The following DSG2 variants were observed in gnomAD, a reference collection of about 807,000 sequenced individuals.
DSG2 encodes desmoglein 2.
A neutral mutation model predicts 75.6 loss-of-function variants in DSG2; 45 were observed. The ratio of observed to expected loss-of-function variants is 0.60; its 90% CI spans 0.47 to 0.76. The LOEUF is 0.76. Among genes scored for constraint, DSG2 ranks in the 30% least tolerant of loss-of-function variants. The probability of loss-of-function intolerance (pLI) is 0.00; values close to 1 mark genes in which losing one functional copy is unlikely to be tolerated. For synonymous variants in DSG2, 429 were observed against 483.9 expected, an observed-to-expected ratio of 0.89 and a Z score of 1.49; for missense variants, 1,267 against 1,357.4, an observed-to-expected ratio of 0.93 and a Z score of 1.05.
In DSG2 at chr18:31,536,340, A is replaced by G. The variant is rs730880077; in HGVS notation, c.1562A>G (p.Asp521Gly). ...EYVNVTAEDL[D>G]GHPNSGPFSF... ...GTGAATGTTACTGCAGAGGACCTGG[A>G]TGGACACCCAAACAGTGGCCCTTTC... The change falls in exon 11 of 15, where the codon GAT becomes GGT. Residue 521 changes from aspartate (D) to glycine (G), a missense_variant. Transcript: ENST00000261590. The G allele has an allele frequency of 2.4e-5, 39 of 1,614,112 alleles. No homozygotes were observed. The East Asian group carries it at 8.2e-4, about 34-fold the overall frequency.
chr18:31,541,364 G>T, intron 13 of DSG2, 50 bp downstream of exon 13: 1 of 1,606,838 alleles, frequency 6.2e-7, no homozygotes, highest in Non-Finnish European at 8.5e-7. Context: ...GGGTTTTAAA[G>T]GGGCCTAGGG....
In DSG2 at chr18:31,546,985, G is replaced by A. The variant is rs2073317388; in HGVS notation, c.*242G>A. 5.3e-6 allele frequency: 3 copies of A among 569,406 alleles called. No individual in the cohort carries two copies. The highest frequency in any genetic ancestry group is 3.2e-5 in the East Asian group (1 of 31,168). The allele number at this position is 569,406 out of a possible 1,614,324, so 35.3% of individuals were successfully genotyped here. A position where few individuals can be genotyped will look rare whatever the true frequency, so the allele number is the denominator to read the frequency against. On this transcript the variant is annotated 3_prime_UTR_variant, in exon 15 of 15. Coordinates refer to ENST00000261590, the MANE Select transcript of DSG2 (RefSeq NM_001943.5). Reference sequence around the variant, plus strand: ...GATGCTGCTGCTTAGGTGCCTTTTAGCAAGCTATGCAAACAATCCTGATAA... The same window carrying A: ...GATGCTGCTGCTTAGGTGCCTTTTAACAAGCTATGCAAACAATCCTGATAA...
In DSG2 at chr18:31,546,345, G is replaced by T. The variant is rs141405267; in HGVS notation, c.2959G>T (p.Val987Phe). ...QPYANEGTVV[V>F]TERVIQPHGG... Reference sequence around the variant, plus strand: ...TTATGCTAATGAAGGTACAGTTGTGGTCACTGAAAGAGTAATACAGCCTCA... The same window carrying T: ...TTATGCTAATGAAGGTACAGTTGTGTTCACTGAAAGAGTAATACAGCCTCA... Residue 987 changes from valine (V) to phenylalanine (F), a missense_variant, in exon 15 of 15, where the codon GTC becomes TTC. Coordinates refer to ENST00000261590, the MANE Select transcript of DSG2 (RefSeq NM_001943.5). 2.8e-5 allele frequency: 45 copies of T among 1,612,854 alleles called. No homozygotes were observed. The East Asian group carries it at 9.1e-4, about 33-fold the overall frequency.
At chr18:31,532,965 G>C (rs2073207378) in intron 9 of DSG2, among the ~76,000 whole-genome samples, 1 of 152,202 alleles carries the variant, frequency 6.6e-6, no homozygotes, top group East Asian at 1.9e-4. Flanking sequence ...TCAAAAGATT[G>C]TGTGTTCTGC....
intron 1 of DSG2, among the ~76,000 whole-genome samples, chr18:31,507,941 T>G (rs577661462): frequency 1.1e-4 from 16 of 152,230 alleles, no homozygotes; most frequent in Middle Eastern, 3.2e-3. Flanking sequence ...TTAGATCCCA[T>G]TTGTCAATTT....
chr18:31,542,924 G>T, intron 14 of DSG2, 72 bp downstream of exon 14: 1 of 1,091,742 alleles, frequency 9.2e-7, no homozygotes, highest in Non-Finnish European at 1.2e-6. Context: ...ATATTATTAG[G>T]GTAATCATTG....
At chr18:31,498,859 C>T (rs73956132) in intron 1 of DSG2, among the ~76,000 whole-genome samples, 2,332 of 152,224 alleles carry the variant, frequency 0.015, 59 homozygotes, top group African/African-American at 0.053. Flanking sequence ...GTGGATCACC[C>T]ACATATAGTT....
At chr18:31,543,188 G>A (rs1237126361) in intron 14 of DSG2, 4 of 201,650 alleles carry the variant, frequency 2.0e-5, no homozygotes, top group South Asian at 1.4e-4. Context: ...GATTGTACCT[G>A]GGAAGCTGCC....
intron 6 of DSG2, 35 bp from the exon 7 acceptor site, chr18:31,524,411 CTT>C (rs751555811): frequency 6.2e-7 from 1 of 1,613,948 alleles, no homozygotes; most frequent in Admixed American, 1.7e-5. Flanking sequence ...AAGAGTGACT[CTT>C]TTCACCCAGC....
chr18:31,548,080 T>C lies in DSG2; in HGVS notation c.*1337T>C, dbSNP rs1387218511. 1.3e-5 allele frequency: 2 copies of C among 152,218 alleles called. No individual in the cohort carries two copies. The highest frequency in any genetic ancestry group is 6.5e-5 in the Admixed American group (1 of 15,272). The allele number at this position is 152,218 out of a possible 1,614,324, so 9.4% of individuals were successfully genotyped here. A position where few individuals can be genotyped will look rare whatever the true frequency, so the allele number is the denominator to read the frequency against. On this transcript the variant is annotated 3_prime_UTR_variant, in exon 15 of 15. Transcript: ENST00000261590. ...AATTCTTTGAAATTATTATTTTATT[T>C]TGATTTCTCAGTTATTGACTGGCTG... is the stretch of plus-strand genomic sequence containing the variant.
Position 31,498,184 on chromosome 18 carries a change from C to T in DSG2, c.-68C>T. ...GGGGAGGCCGGGGCCAGGGAGGAGC[C>T]GAGTGCGCGCTCGGGGCAGGCGGCG... On this transcript the variant is annotated 5_prime_UTR_variant, in exon 1 of 15. Coordinates refer to ENST00000261590, the MANE Select transcript of DSG2 (RefSeq NM_001943.5). 2 of 1,212,634 alleles carry T rather than the reference C, an allele frequency of 1.6e-6. No homozygotes were observed. The highest frequency in any genetic ancestry group is 2.1e-6 in the Non-Finnish European group (2 of 971,966). The allele number at this position is 1,212,634 out of a possible 1,614,324, so 75.1% of individuals were successfully genotyped here.
chr18:31,536,497 T>C (rs2073231878), intron 11 of DSG2, 68 bp downstream of exon 11: 3 of 1,447,046 alleles, frequency 2.1e-6, no homozygotes, highest in Non-Finnish European at 2.8e-6. Context: ...ATTTGTAAGT[T>C]GTATTTCTTC....
In DSG2 at chr18:31,531,245, C is replaced by T. The variant is rs2073197046; in HGVS notation, c.1273C>T (p.His425Tyr). 6.2e-7 allele frequency: 1 copy of T among 1,614,014 alleles called. No individual in the cohort carries two copies. Among genetic ancestry groups the T allele is most frequent in the Admixed American group, 1.7e-5 (1 of 60,002 alleles). Residue 425 changes from histidine to tyrosine, a missense_variant, in exon 9 of 15, where the codon CAT (histidine) becomes TAT (tyrosine). Transcript: ENST00000261590. ...TGATGAGGACACTGGACTACCAGCC[C>T]ATGCAAGGTAAGAGAGAGTGACACG... ...AFDEDTGLPAHARYVKLEDRD... is the reference protein window; with the variant it reads ...AFDEDTGLPAYARYVKLEDRD...
Position 31,522,116 on chromosome 18 carries a change from C to T in DSG2, c.557C>T (p.Ala186Val). Residue 186 changes from alanine to valine, a missense_variant, in exon 6 of 15, where the codon GCA becomes GTA. By Grantham distance (64) the Ala-to-Val change is moderately conservative. Coordinates refer to ENST00000261590, the MANE Select transcript of DSG2 (RefSeq NM_001943.5). ...TLVMKINATD[A>V]DEPNTLNSKI... ...GTGATGAAAATCAATGCAACAGATGCAGATGAGCCCAATACCCTGAATTCG... is the reference window on the plus strand; with the variant it reads ...GTGATGAAAATCAATGCAACAGATGTAGATGAGCCCAATACCCTGAATTCG... The T allele has an allele frequency of 1.2e-6, 2 of 1,613,782 alleles. No individual in the cohort carries two copies. The highest frequency in any genetic ancestry group is 1.7e-6 in the Non-Finnish European group (2 of 1,179,770).
intron 8 of DSG2, 138 bp downstream of exon 8, chr18:31,525,026 T>A: frequency 1.2e-6 from 1 of 859,666 alleles, no homozygotes; most frequent in Non-Finnish European, 1.9e-6. Flanking sequence ...AAAGGAGCCA[T>A]CCCTATTTGC....
rs369904972 is a variant in DSG2 at position 31,538,714 on chromosome 18, G to A, written c.1652-37G>A. The A allele has an allele frequency of 1.9e-4, 289 of 1,543,880 alleles. 1 individual carries two copies. The African/African-American group carries it at 2.8e-3, about 15-fold the overall frequency. ...TAATGTTGCCTCATCCTTGGTAATC[G>A]TTCGTTTTTATTTCCTTCTGCCTCC... On this transcript the variant is annotated intron_variant, in intron 11 of 14. Coordinates refer to ENST00000261590, the MANE Select transcript of DSG2 (RefSeq NM_001943.5).
chr18:31,499,366 G>GC (rs72318859), intron 1 of DSG2, among the ~76,000 whole-genome samples: 1 of 151,600 alleles, frequency 6.6e-6, no homozygotes, highest in Non-Finnish European at 1.5e-5. Context: ...TCGTGTGTGT[G>GC]TGTGTGTGTG....
rs573941370 is a variant in DSG2, at chr18:31,519,658, C to A, written c.82-145C>A. 5.0e-6 allele frequency: 4 copies of A among 807,830 alleles called. No homozygotes were observed. In the South Asian group the frequency reaches 6.6e-5, roughly 13 times the overall value. The allele number at this position is 807,830 out of a possible 1,614,324, so 50.0% of individuals were successfully genotyped here. A position where few individuals can be genotyped will look rare whatever the true frequency, so the allele number is the denominator to read the frequency against. On this transcript the variant is annotated intron_variant, in intron 2 of 14. Coordinates refer to ENST00000261590, the MANE Select transcript of DSG2 (RefSeq NM_001943.5). ...GCAGTTTGCTAGAATATATATATTCCCTTTTAGACAATGAAGCCTCATAGG... is the reference window on the plus strand; with the variant it reads ...GCAGTTTGCTAGAATATATATATTCACTTTTAGACAATGAAGCCTCATAGG...
intron 1 of DSG2, among the ~76,000 whole-genome samples, chr18:31,499,898 A>C (rs1008652857): frequency 2.0e-5 from 3 of 152,138 alleles, no homozygotes; most frequent in African/African-American, 7.2e-5. Context: ...ATGGAACAGG[A>C]GCAAAATTCT....
Sources: allele counts gnomAD v4.1 joint callset (sites outside exome capture counted in the v4.1 genomes callset), GRCh38; gene constraint gnomAD v4.1.1; transcripts MANE v1.5; gene names NCBI Gene and HGNC (gene_info 2026-07-23, HGNC 2026-07-21).